Variants in SDHAF4 observed in about 807,000 individuals in gnomAD.
SDHAF4 encodes the protein succinate dehydrogenase assembly factor 4, mitochondrial.
SDHAF4 carries 14 observed loss-of-function variants against 14.3 expected under a neutral mutation model. The observed-to-expected ratio is 0.98, with a 90% CI of 0.65 to 1.53. SDHAF4 has a LOEUF of 1.53. Among genes scored for constraint, SDHAF4 ranks in the 40% most tolerant of loss-of-function variants. The probability of loss-of-function intolerance (pLI) is 0.00; values close to 1 mark genes in which losing one functional copy is unlikely to be tolerated. For missense variants in SDHAF4, 141 were observed against 129.3 expected (o/e 1.09, Z -0.44); for synonymous variants, 63 against 47.3 (o/e 1.33, Z -1.36).
At chr6:70,580,167 A>C (rs1802304227) in intron 2 of SDHAF4, among the ~76,000 whole-genome samples, 1 of 152,186 alleles carries the variant, frequency 6.6e-6, no homozygotes, top group Non-Finnish European at 1.5e-5. Context: ...ATTTGAGTAG[A>C]CATTTCTCCA....
chr6:70,570,990 T>A (rs1802171484), intron 1 of SDHAF4, among the ~76,000 whole-genome samples: 1 of 152,140 alleles, frequency 6.6e-6, no homozygotes, highest in Non-Finnish European at 1.5e-5. Context: ...CAAGCCTTTG[T>A]GAAATAAAAT....
chr6:70,597,299 A>ATTTTTTTTTTTT, the SDHAF4 span, among the ~76,000 whole-genome samples: 37 of 108,066 alleles, frequency 3.4e-4, no homozygotes, highest in African/African-American at 8.6e-4. Context: ...CGCCTGGCTA[A>ATTTTTTTTTTTT]TTTTTTTTTT....
chr6:70,573,999 A>G (rs573599559), intron 1 of SDHAF4, among the ~76,000 whole-genome samples: 1 of 151,982 alleles, frequency 6.6e-6, no homozygotes, highest in East Asian at 2.0e-4. Context: ...CAAAGCCAAA[A>G]GTAATTAAGC....
chr6:70,588,489 C>T (rs1765228430), intron 2 of SDHAF4, 126 bp from the exon 3 acceptor site: 1 of 438,566 alleles, frequency 2.3e-6, no homozygotes, highest in Non-Finnish European at 4.1e-6. Context: ...CACTGCAATC[C>T]AGCCTGGGCA....
rs1765229702 is a variant in SDHAF4 at position 70,588,639 on chromosome 6, T to C, written c.242T>C (p.Val81Ala). The change falls in exon 3 of 3, where the codon GTG becomes GCG. Residue 81 changes from valine to alanine, a missense_variant. Val to Ala is a moderately conservative substitution (Grantham distance 64). Transcript: ENST00000370474. The stretch of plus-strand genomic sequence containing the variant: ...GAATTTCCAGATGATGTTAATCCAG[T>C]GACCAAAGAAAAAGGTGGACCCAGG... ...LEKFPDDVNP[V>A]TKEKGGPRGP... The C allele has an allele frequency of 1.3e-6, 2 of 1,598,990 alleles. No homozygotes were observed. The highest frequency in any genetic ancestry group is 2.2e-5 in the South Asian group (2 of 89,106).
downstream of SDHAF4, among the ~76,000 whole-genome samples, chr6:70,593,569 C>T (rs1765277133): frequency 6.6e-6 from 1 of 152,234 alleles, no homozygotes; most frequent in Non-Finnish European, 1.5e-5. Context: ...ATGTGGACTA[C>T]AGCAAGCAAA....
At chr6:70,580,935 G>A (rs576282255) in intron 2 of SDHAF4, among the ~76,000 whole-genome samples, 2 of 151,932 alleles carry the variant, frequency 1.3e-5, no homozygotes, top group African/African-American at 4.8e-5. Flanking sequence ...TATTTTTGTT[G>A]TTGTTTTTGT....
intron 2 of SDHAF4, among the ~76,000 whole-genome samples, chr6:70,584,479 A>G (rs1313507899): frequency 6.6e-6 from 1 of 152,166 alleles, no homozygotes; most frequent in Non-Finnish European, 1.5e-5. Context: ...ATTTTATATA[A>G]ATGAAACTCT....
intron 2 of SDHAF4, among the ~76,000 whole-genome samples, chr6:70,582,859 C>T (rs1163334067): frequency 2.0e-5 from 3 of 152,162 alleles, no homozygotes; most frequent in Non-Finnish European, 2.9e-5. Context: ...CTCCCTGCCT[C>T]TAGTATGTAC....
chr6:70,588,972 C>T lies in SDHAF4; in HGVS notation c.*248C>T. 1.1e-5 allele frequency: 2 copies of T among 175,564 alleles called. No homozygotes were observed. The highest frequency in any genetic ancestry group is 1.3e-4 in the East Asian group (1 of 7,844). 10.9% of individuals were successfully genotyped at this position (175,564 alleles called of 1,614,324 possible). ...AAAATTAGCCAGGCGTGGTGGCATG[C>T]ACCTGTAATCCCAACTACTCTGGAG... On this transcript the variant is annotated 3_prime_UTR_variant, in exon 3 of 3. Coordinates refer to ENST00000370474, the MANE Select transcript of SDHAF4 (RefSeq NM_145267.3).
chr6:70,585,111 G>A (rs1765180298), intron 2 of SDHAF4, among the ~76,000 whole-genome samples: 1 of 152,166 alleles, frequency 6.6e-6, no homozygotes, highest in Admixed American at 6.5e-5. Context: ...ACTGAATTAT[G>A]TTCCCCCAAA....
In SDHAF4 at chr6:70,575,058, C is replaced by T. The variant is rs73480283; in HGVS notation, c.65-4356C>T. 7.3e-3 allele frequency among the ~76,000 whole-genome samples: 1,119 copies of T among 152,276 alleles called. 19 individuals carry two copies. Among genetic ancestry groups the T allele is most frequent in the African/African-American group, 0.026 (1,077 of 41,564 alleles). ...TGTCATCTCCCTGCTGTCCTGAAAG[C>T]TCTGTATCCTACGATCTAGGCAAGA... On this transcript the variant is annotated intron_variant, in intron 1 of 2. Coordinates refer to ENST00000370474, the MANE Select transcript of SDHAF4 (RefSeq NM_145267.3).
downstream of SDHAF4, among the ~76,000 whole-genome samples, chr6:70,593,566 C>G (rs1269370968): frequency 1.3e-5 from 2 of 152,180 alleles, no homozygotes; most frequent in Non-Finnish European, 2.9e-5. Context: ...GCCATGTGGA[C>G]TACAGCAAGC....
intron 2 of SDHAF4, among the ~76,000 whole-genome samples, chr6:70,588,042 A>ATTT (rs1765223661): frequency 1.3e-5 from 2 of 152,336 alleles, no homozygotes; most frequent in East Asian, 3.9e-4. Context: ...CTGGTCAGAA[A>ATTT]ACTGTGGCAT....
At position 70,576,769 on chromosome 6, in the gene SDHAF4, C is replaced by A. The variant is rs76626083; in HGVS notation, c.65-2645C>A. On this transcript the variant is annotated intron_variant, in intron 1 of 2. Transcript: ENST00000370474. ...ACTATCCTAAAGGCATAAATTGTCCCGTTTACTCAGCAATCTCATGTGACA... is the reference window on the plus strand; with the variant it reads ...ACTATCCTAAAGGCATAAATTGTCCAGTTTACTCAGCAATCTCATGTGACA... 5.9e-3 allele frequency among the ~76,000 whole-genome samples: 892 copies of A among 152,212 alleles called. 3 individuals carry two copies. Among genetic ancestry groups the A allele is most frequent in the South Asian group, 0.012 (60 of 4,820 alleles).
the SDHAF4 span, chr6:70,596,507 T>C: frequency 2.0e-5 from 3 of 152,252 alleles, no homozygotes; most frequent in African/African-American, 7.2e-5. Context: ...TCAGACTTAA[T>C]GCCATCTTGC....
downstream of SDHAF4, among the ~76,000 whole-genome samples, chr6:70,593,692 T>TG (rs1554183613): frequency 1.3e-5 from 2 of 151,512 alleles, no homozygotes; most frequent in African/African-American, 4.8e-5. Flanking sequence ...GGGTTTTTTT[T>TG]TGTGTGTGTG....
downstream of SDHAF4, among the ~76,000 whole-genome samples, chr6:70,592,883 G>A (rs1765270404): frequency 6.6e-6 from 1 of 152,210 alleles, no homozygotes; most frequent in African/African-American, 2.4e-5. Context: ...CTAGAAAGGA[G>A]CCAGAGATTC....
chr6:70,597,181 T>C, the SDHAF4 span, among the ~76,000 whole-genome samples: 2 of 152,128 alleles, frequency 1.3e-5, no homozygotes, highest in African/African-American at 4.8e-5. Context: ...TCACCCAGGC[T>C]GAAGTGCAGT....
Sources: allele counts gnomAD v4.1 joint callset (sites outside exome capture counted in the v4.1 genomes callset), GRCh38; gene constraint gnomAD v4.1.1; transcripts MANE v1.5; gene names NCBI Gene and HGNC (gene_info 2026-07-23, HGNC 2026-07-21).